The following TBC1D5 variants were observed in gnomAD, a reference collection of about 807,000 sequenced individuals.
TBC1D5 encodes TBC1 domain family, member 5.
In TBC1D5, 75 loss-of-function variants were observed where a neutral mutation model predicts 100.3. The observed-to-expected ratio is 0.75, with a 90% CI of 0.62 to 0.91. The LOEUF (loss-of-function observed/expected upper bound fraction) is 0.91. TBC1D5 is among the 40% of genes least tolerant of loss of function. TBC1D5 has a pLI of 0.00. For synonymous variants in TBC1D5, 323 were observed against 325.6 expected, an observed-to-expected ratio of 0.99 and a Z score of 0.09; for missense variants, 910 against 942.4, an observed-to-expected ratio of 0.97 and a Z score of 0.45.
At chr3:17,391,090 G>T (rs909396460) in intron 8 of TBC1D5, among the ~76,000 whole-genome samples, 11 of 152,078 alleles carry the variant, frequency 7.2e-5, no homozygotes, top group Non-Finnish European at 1.5e-4. Flanking sequence ...CTAGTAGACG[G>T]AATGAAAAAG....
chr3:17,160,800 A>G, exon 22 of TBC1D5: 1 of 909,690 alleles, frequency 1.1e-6, no homozygotes, highest in Non-Finnish European at 1.6e-6. Flanking sequence ...TTGTGGCCAT[A>G]TATGCTTCTC....
chr3:17,467,087 T>G (rs2095312473), intron 3 of TBC1D5, among the ~76,000 whole-genome samples: 1 of 152,048 alleles, frequency 6.6e-6, no homozygotes, highest in African/African-American at 2.4e-5. Context: ...CAGAAACCCG[T>G]CAAGAGTTCT....
chr3:17,258,060 T>C (rs1431363036), intron 16 of TBC1D5, among the ~76,000 whole-genome samples: 1 of 152,182 alleles, frequency 6.6e-6, no homozygotes, highest in Non-Finnish European at 1.5e-5. Flanking sequence ...AATTTCTATG[T>C]ATGCAATCAC....
chr3:17,562,739 G>A (rs538973563), intron 2 of TBC1D5, among the ~76,000 whole-genome samples: 1 of 152,162 alleles, frequency 6.6e-6, no homozygotes, highest in African/African-American at 2.4e-5. Context: ...GGCAAATCAA[G>A]ATGCACAACA....
At chr3:17,701,034 T>C (rs139094802) in intron 1 of TBC1D5, among the ~76,000 whole-genome samples, 1 of 152,154 alleles carries the variant, frequency 6.6e-6, no homozygotes, top group Admixed American at 6.6e-5. Context: ...TGCATACGTA[T>C]GTTTATTGTA....
At chr3:17,352,699 A>AAAAAAAC (rs71266495) in intron 13 of TBC1D5, among the ~76,000 whole-genome samples, 2 of 149,666 alleles carry the variant, frequency 1.3e-5, no homozygotes, top group Non-Finnish European at 3.0e-5. Context: ...AAAAAAAAAA[A>AAAAAAAC]CAAAAAAACC....
chr3:17,601,245 T>A (rs544634860), intron 2 of TBC1D5, among the ~76,000 whole-genome samples: 1 of 152,224 alleles, frequency 6.6e-6, no homozygotes, highest in Non-Finnish European at 1.5e-5. Context: ...GTGCAGTGGC[T>A]CATGCCTGTA....
intron 2 of TBC1D5, among the ~76,000 whole-genome samples, chr3:17,577,435 C>T (rs997805004): frequency 6.6e-6 from 1 of 151,958 alleles, no homozygotes; most frequent in African/African-American, 2.4e-5. Context: ...AACATCCACA[C>T]AAGCATTTTT....
At chr3:17,447,295 G>A (rs1033311027) in intron 3 of TBC1D5, among the ~76,000 whole-genome samples, 4 of 152,278 alleles carry the variant, frequency 2.6e-5, no homozygotes, top group East Asian at 1.9e-4. Flanking sequence ...GGATCAGCAC[G>A]GGACTTTTCA....
chr3:17,219,523 A>G (rs2074045051), intron 17 of TBC1D5, among the ~76,000 whole-genome samples: 1 of 151,388 alleles, frequency 6.6e-6, no homozygotes, highest in Non-Finnish European at 1.5e-5. Context: ...TGAAAACTGG[A>G]CATTTTAATA....
intron 18 of TBC1D5, among the ~76,000 whole-genome samples, chr3:17,197,910 G>A (rs1436179754): frequency 2.6e-5 from 4 of 152,146 alleles, no homozygotes; most frequent in African/African-American, 7.2e-5. Context: ...GGTGGCTCGC[G>A]CCTGTAGTCC....
At chr3:17,461,612 G>A (rs1355970322) in intron 3 of TBC1D5, among the ~76,000 whole-genome samples, 7 of 152,060 alleles carry the variant, frequency 4.6e-5, no homozygotes, top group Non-Finnish European at 1.0e-4. Flanking sequence ...GGAGTACTGT[G>A]TATAAATCTG....
intron 13 of TBC1D5, among the ~76,000 whole-genome samples, chr3:17,370,570 A>T (rs1361905937): frequency 6.6e-6 from 1 of 152,194 alleles, no homozygotes; most frequent in Non-Finnish European, 1.5e-5. Flanking sequence ...GGAAATAATG[A>T]AGCTGCTCTC....
At chr3:17,622,795 T>C (rs1011340996) in intron 2 of TBC1D5, 6 of 152,166 alleles carry the variant, frequency 3.9e-5, no homozygotes, top group African/African-American at 1.2e-4. Flanking sequence ...GAACACACTT[T>C]GGAAATGTTT....
At chr3:17,696,231 C>T (rs1235969325) in intron 1 of TBC1D5, among the ~76,000 whole-genome samples, 10 of 151,646 alleles carry the variant, frequency 6.6e-5, no homozygotes, top group Admixed American at 4.6e-4. Context: ...TAGCAGAAGG[C>T]AAGAAATAAC....
chr3:17,270,304 GTC>G (rs1278883884), intron 15 of TBC1D5, among the ~76,000 whole-genome samples: 1 of 152,078 alleles, frequency 6.6e-6, no homozygotes, highest in African/African-American at 2.4e-5. Context: ...TTTGAGAACT[GTC>G]TGTTCATGTC....
At chr3:17,453,290 GAGA>G (rs2094972163) in intron 3 of TBC1D5, among the ~76,000 whole-genome samples, 1 of 150,878 alleles carries the variant, frequency 6.6e-6, no homozygotes, top group East Asian at 1.9e-4. Flanking sequence ...CCAAAATTAG[GAGA>G]AGAAAAGAAA....
intron 19 of TBC1D5, among the ~76,000 whole-genome samples, chr3:17,177,376 G>T (rs2067888601): frequency 6.6e-6 from 1 of 152,096 alleles, no homozygotes; most frequent in South Asian, 2.1e-4. Context: ...AAAACCAGGG[G>T]GAAACAACTT....
chr3:17,553,225 C>T (rs899230538), intron 2 of TBC1D5, among the ~76,000 whole-genome samples: 5 of 152,128 alleles, frequency 3.3e-5, no homozygotes, highest in African/African-American at 1.2e-4. Flanking sequence ...CCAGTCAATA[C>T]ACAAAGTCCT....
Sources: gnomAD v4.1 joint callset for allele counts (sites outside exome capture counted in the v4.1 genomes callset) on GRCh38, gnomAD v4.1.1 for gene constraint, MANE v1.5 for transcripts, NCBI Gene and HGNC (gene_info 2026-07-23, HGNC 2026-07-21) for gene names.